PDE10A: variants seen among roughly 807,000 people sequenced by gnomAD.
PDE10A encodes phosphodiesterase 10A.
Under a neutral mutation model 97.7 loss-of-function variants are expected in PDE10A, and 39 were observed. The ratio of observed to expected loss-of-function variants is 0.40; its 90% CI spans 0.31 to 0.52. The LOEUF is 0.52. Among genes scored for constraint, PDE10A ranks in the 20% least tolerant of loss-of-function variants. The pLI is 0.56. For synonymous variants in PDE10A, 371 were observed against 376.8 expected (o/e 0.98, Z 0.18); for missense variants, 731 against 1,047.8 (o/e 0.70, Z 4.17).
chr6:165,838,113 T>C (rs929905397), intron 1 of PDE10A, among the ~76,000 whole-genome samples: 1 of 152,244 alleles, frequency 6.6e-6, no homozygotes, highest in African/African-American at 2.4e-5. Context: ...ACTGTAATTG[T>C]AGGGTTTGAG....
intron 1 of PDE10A, among the ~76,000 whole-genome samples, chr6:165,933,122 G>A (rs572448654): frequency 6.6e-6 from 1 of 152,272 alleles, no homozygotes; most frequent in East Asian, 1.9e-4. Context: ...AGCAAGTCTT[G>A]TGGTAAAGTC....
chr6:165,461,301 A>G (rs1283963210), intron 3 of PDE10A, among the ~76,000 whole-genome samples: 1 of 152,170 alleles, frequency 6.6e-6, no homozygotes, highest in Non-Finnish European at 1.5e-5. Context: ...CTATCCCTTT[A>G]GCTGAGCAAG....
chr6:165,797,357 C>T (rs796964932), intron 1 of PDE10A, among the ~76,000 whole-genome samples: 15 of 152,230 alleles, frequency 9.9e-5, no homozygotes, highest in African/African-American at 3.4e-4. Context: ...TACTTGGAGG[C>T]TAAAAAATGA....
intron 13 of PDE10A, among the ~76,000 whole-genome samples, chr6:165,406,228 A>ATGTGTGTGTGTGTGTGTGTG (rs3839483): frequency 0.013 from 1,817 of 140,432 alleles, 22 homozygotes; most frequent in African/African-American, 0.017. Flanking sequence ...AGGGAAAAGG[A>ATGTGTGTGTGTGTGTGTGTG]TGTGTGTGTG....
intron 1 of PDE10A, among the ~76,000 whole-genome samples, chr6:165,838,934 A>T (rs1270059777): frequency 6.6e-6 from 1 of 152,162 alleles, no homozygotes; most frequent in Non-Finnish European, 1.5e-5. Context: ...TGATACTGTC[A>T]GCTAGCTGAG....
intron 3 of PDE10A, among the ~76,000 whole-genome samples, chr6:165,480,960 T>C (rs1388696384): frequency 1.4e-4 from 21 of 152,226 alleles, no homozygotes; most frequent in Non-Finnish European, 2.9e-5. Context: ...GATGCGCTTT[T>C]CTCCAAATTT....
At position 165,329,593 on chromosome 6, in the gene PDE10A, T is replaced by C. The variant is rs117822549; in HGVS notation, c.*3432A>G. ...GGTATCTAAGGATTTATGCATCTATTTATATCCTGTACAATACAGGATTTG... is the reference window on the plus strand; with the variant it reads ...GGTATCTAAGGATTTATGCATCTATCTATATCCTGTACAATACAGGATTTG... On this transcript the variant is annotated 3_prime_UTR_variant, in exon 22 of 22. Transcript: ENST00000539869. The C allele has an allele frequency of 2.8e-4, 43 of 152,306 alleles. 1 individual carries two copies. In the East Asian group the frequency reaches 7.7e-3, roughly 27 times the overall value. The allele number at this position is 152,306 out of a possible 1,614,324, so 9.4% of individuals were successfully genotyped here. A position where few individuals can be genotyped will look rare whatever the true frequency, so the allele number is the denominator to read the frequency against.
At chr6:165,401,375 G>T (rs1272245374) in intron 13 of PDE10A, among the ~76,000 whole-genome samples, 1 of 152,132 alleles carries the variant, frequency 6.6e-6, no homozygotes, top group Non-Finnish European at 1.5e-5. Context: ...TAATGTCACT[G>T]GCAACTTGAG....
chr6:165,665,521 G>A (rs113040567), upstream of PDE10A, among the ~76,000 whole-genome samples: 1,530 of 152,266 alleles, frequency 0.01, 32 homozygotes, highest in African/African-American at 0.035. Context: ...CATAAAGACT[G>A]CAATATAGTT....
chr6:165,508,114 T>C (rs1781306516), intron 2 of PDE10A, among the ~76,000 whole-genome samples: 1 of 152,058 alleles, frequency 6.6e-6, no homozygotes, highest in Non-Finnish European at 1.5e-5. Flanking sequence ...CACGTACATA[T>C]TTAAAGTTAA....
intron 2 of PDE10A, among the ~76,000 whole-genome samples, chr6:165,521,699 G>A (rs930592242): frequency 2.6e-5 from 4 of 152,150 alleles, no homozygotes; most frequent in Non-Finnish European, 5.9e-5. Flanking sequence ...GAGGTCATGA[G>A]GAAGCTGCAA....
intron 3 of PDE10A, among the ~76,000 whole-genome samples, chr6:165,477,072 G>A (rs1001994270): frequency 1.3e-5 from 2 of 152,176 alleles, no homozygotes; most frequent in African/African-American, 4.8e-5. Flanking sequence ...ACAGAGATCT[G>A]ACTGACAGAG....
intron 1 of PDE10A, among the ~76,000 whole-genome samples, chr6:165,602,752 G>C (rs1459995976): frequency 6.6e-6 from 1 of 152,124 alleles, no homozygotes; most frequent in African/African-American, 2.4e-5. Flanking sequence ...ACAGGTGTGA[G>C]GCTCAGGAGG....
chr6:165,451,151 A>G (rs1385528149), intron 3 of PDE10A, among the ~76,000 whole-genome samples: 1 of 152,068 alleles, frequency 6.6e-6, no homozygotes, highest in Non-Finnish European at 1.5e-5. Flanking sequence ...CCCTGCCACC[A>G]TAGCAAGAGT....
intron 2 of PDE10A, among the ~76,000 whole-genome samples, chr6:165,514,984 T>C (rs1011277816): frequency 2.0e-5 from 3 of 152,208 alleles, no homozygotes; most frequent in Non-Finnish European, 2.9e-5. Context: ...AGAAATCCTT[T>C]TATCCAAACT....
intron 2 of PDE10A, among the ~76,000 whole-genome samples, chr6:165,502,717 A>G (rs769660283): frequency 4.6e-5 from 7 of 152,292 alleles, no homozygotes; most frequent in South Asian, 4.1e-4. Flanking sequence ...AAATCCTACA[A>G]ACATCATGCT....
At chr6:165,357,007 G>A (rs1015310966) in intron 18 of PDE10A, among the ~76,000 whole-genome samples, 3 of 151,988 alleles carry the variant, frequency 2.0e-5, no homozygotes, top group Non-Finnish European at 4.4e-5. Context: ...ATCATCACGG[G>A]GGCTATGATG....
chr6:165,449,835 C>A (rs1791155250), intron 4 of PDE10A, among the ~76,000 whole-genome samples: 1 of 152,050 alleles, frequency 6.6e-6, no homozygotes, highest in Non-Finnish European at 1.5e-5. Context: ...TAACTTTCCC[C>A]ATTCTATTCA....
At chr6:165,525,796 C>T (rs924434071) in intron 2 of PDE10A, among the ~76,000 whole-genome samples, 1 of 152,114 alleles carries the variant, frequency 6.6e-6, no homozygotes, top group African/African-American at 2.4e-5. Flanking sequence ...AGAGACAAAA[C>T]AGCAATCAGA....
Sources: allele counts gnomAD v4.1 joint callset (sites outside exome capture counted in the v4.1 genomes callset), GRCh38; gene constraint gnomAD v4.1.1; transcripts MANE v1.5; gene names NCBI Gene and HGNC (gene_info 2026-07-23, HGNC 2026-07-21).